AP3B1: variants seen among roughly 807,000 people sequenced by gnomAD.
AP3B1 encodes AP-3 complex subunit beta-1.
A neutral mutation model predicts 132.5 loss-of-function variants in AP3B1; 61 were observed. That is an observed-to-expected ratio of 0.46 (90% CI 0.37 to 0.57). The LOEUF (loss-of-function observed/expected upper bound fraction) is 0.57, where lower values mean the gene tolerates loss of function less well. Among genes scored for constraint, AP3B1 ranks in the 20% least tolerant of loss-of-function variants. The pLI is 0.00. For synonymous variants in AP3B1, 388 were observed against 438.3 expected (o/e 0.89, Z 1.43); for missense variants, 1,120 against 1,289.4 (o/e 0.87, Z 2.01).
Position 78,189,690 on chromosome 5 carries a change from T to C in AP3B1, c.787-8028A>G, listed in dbSNP as rs188969517. Reference sequence around the variant, plus strand: ...TTCAAGACCAACCTGCCCAACATGGTGAAACCCCATCTCTACTGAAAATAC... The same window carrying C: ...TTCAAGACCAACCTGCCCAACATGGCGAAACCCCATCTCTACTGAAAATAC... On this transcript the variant is annotated intron_variant, in intron 7 of 26. Coordinates refer to ENST00000255194, the MANE Select transcript of AP3B1 (RefSeq NM_003664.5). Among the ~76,000 whole-genome samples, 164 of 151,824 alleles carry C rather than the reference T, an allele frequency of 1.1e-3. 1 individual carries two copies. The highest frequency in any genetic ancestry group is 3.9e-3 in the African/African-American group (160 of 41,410).
intron 17 of AP3B1, among the ~76,000 whole-genome samples, chr5:78,119,706 A>G (rs1264315291): frequency 6.6e-6 from 1 of 152,232 alleles, no homozygotes; most frequent in East Asian, 1.9e-4. Context: ...GACCAAATCT[A>G]CGTCTCATTG....
At chr5:78,206,523 A>G (rs897707088) in intron 7 of AP3B1, among the ~76,000 whole-genome samples, 4 of 152,182 alleles carry the variant, frequency 2.6e-5, no homozygotes, top group Non-Finnish European at 5.9e-5. Context: ...GCAAGGAGGA[A>G]GAAGGATCTT....
intron 14 of AP3B1, among the ~76,000 whole-genome samples, chr5:78,143,514 T>C (rs1211196175): frequency 6.6e-6 from 1 of 152,158 alleles, no homozygotes; most frequent in African/African-American, 2.4e-5. Flanking sequence ...GATGGCATTG[T>C]ATTACAAAGC....
At chr5:78,066,657 A>C (rs187963767) in intron 22 of AP3B1, among the ~76,000 whole-genome samples, 1 of 152,336 alleles carries the variant, frequency 6.6e-6, no homozygotes, top group African/African-American at 2.4e-5. Context: ...TCCAAGAATT[A>C]TGGGATTATG....
In AP3B1 at chr5:78,181,681, A is replaced by G. The variant is rs778420623; in HGVS notation, c.787-19T>C. 6.2e-7 allele frequency: 1 copy of G among 1,608,952 alleles called. No homozygotes were observed. The highest frequency in any genetic ancestry group is 8.5e-7 in the Non-Finnish European group (1 of 1,178,356). Reference sequence around the variant, plus strand: ...CATCACCCTACAATGAAAGAAATCCAACCCAAGATTACTTTAGACCTTGAG... The same window carrying G: ...CATCACCCTACAATGAAAGAAATCCGACCCAAGATTACTTTAGACCTTGAG... On this transcript the variant is annotated intron_variant, in intron 7 of 26. Transcript: ENST00000255194.
intron 20 of AP3B1, 188 bp from the exon 21 acceptor site, chr5:78,101,213 C>G (rs948568064): frequency 1.9e-6 from 1 of 526,566 alleles, no homozygotes; most frequent in Non-Finnish European, 3.4e-6. Context: ...GTATTTCTTA[C>G]CCACTATGCA....
At chr5:78,195,808 A>G (rs1425325026) in intron 7 of AP3B1, among the ~76,000 whole-genome samples, 2 of 152,186 alleles carry the variant, frequency 1.3e-5, no homozygotes, top group Non-Finnish European at 2.9e-5. Flanking sequence ...CGACAAAGCA[A>G]GACTCCATCT....
intron 12 of AP3B1, among the ~76,000 whole-genome samples, chr5:78,163,278 C>A (rs112199378): frequency 0.039 from 5,908 of 152,096 alleles, 184 homozygotes; most frequent in East Asian, 0.13. Flanking sequence ...ATGATGAGAG[C>A]TCTCTCTTTG....
chr5:78,268,276 T>C (rs1748410333), intron 1 of AP3B1, among the ~76,000 whole-genome samples: 3 of 152,160 alleles, frequency 2.0e-5, no homozygotes, highest in African/African-American at 4.8e-5. Context: ...GAACTATATA[T>C]GTAACTGTAT....
intron 2 of AP3B1, among the ~76,000 whole-genome samples, chr5:78,248,483 ACT>A (rs1747472587): frequency 8.1e-6 from 1 of 122,796 alleles, no homozygotes; most frequent in Admixed American, 9.4e-5. Flanking sequence ...ACAGAGCGAG[ACT>A]CTGTCTCAAA....
chr5:78,218,671 A>T (rs1234900554), intron 6 of AP3B1, among the ~76,000 whole-genome samples: 1 of 152,162 alleles, frequency 6.6e-6, no homozygotes, highest in African/African-American at 2.4e-5. Flanking sequence ...ATTTTCTATA[A>T]AATTATGAAG....
Position 78,232,473 on chromosome 5 carries a change from A to G in AP3B1, c.280-4234T>C, listed in dbSNP as rs1213477186. Among the ~76,000 whole-genome samples, 4 of 152,138 alleles carry G rather than the reference A, an allele frequency of 2.6e-5. 1 individual carries two copies. The East Asian group carries it at 7.7e-4, about 29-fold the overall frequency. On this transcript the variant is annotated intron_variant, in intron 3 of 26. Coordinates refer to ENST00000255194, the MANE Select transcript of AP3B1 (RefSeq NM_003664.5). ...GACCATGCATCTACAGATGATATCAACCCACTTAGGACCCTGAAAGTCCAT... is the reference window on the plus strand; with the variant it reads ...GACCATGCATCTACAGATGATATCAGCCCACTTAGGACCCTGAAAGTCCAT...
chr5:78,199,911 T>C (rs1054337266), intron 7 of AP3B1, among the ~76,000 whole-genome samples: 3 of 152,200 alleles, frequency 2.0e-5, no homozygotes, highest in African/African-American at 4.8e-5. Flanking sequence ...GGACTATTTA[T>C]TCTTCATTAT....
intron 22 of AP3B1, among the ~76,000 whole-genome samples, chr5:78,073,084 A>G (rs1369795576): frequency 2.0e-5 from 3 of 152,084 alleles, no homozygotes; most frequent in Admixed American, 1.3e-4. Flanking sequence ...TATATACTGT[A>G]CTTGTTTTTA....
intron 19 of AP3B1, 26 bp from the exon 20 acceptor site, chr5:78,110,380 T>G: frequency 6.4e-7 from 1 of 1,570,048 alleles, no homozygotes; most frequent in Non-Finnish European, 8.7e-7. Flanking sequence ...AATTTTGAAA[T>G]ATGAACTTTA....
rs1053392898 is a variant in AP3B1 at position 78,034,502 on chromosome 5, C to T, written c.2810-57G>A. 1.4e-5 allele frequency: 18 copies of T among 1,291,408 alleles called. No homozygotes were observed. In the Admixed American group the frequency reaches 2.9e-4, roughly 21 times the overall value. 80.0% of individuals were successfully genotyped at this position (1,291,408 alleles called of 1,614,324 possible). On this transcript the variant is annotated intron_variant, in intron 23 of 26. Transcript: ENST00000255194. ...ACAGAGGATGTGAAAAAGAGGCAAACTAAACACTGAAAATTTAGGTAATGT... is the reference window on the plus strand; with the variant it reads ...ACAGAGGATGTGAAAAAGAGGCAAATTAAACACTGAAAATTTAGGTAATGT...
At chr5:78,014,325 G>C (rs1333056688) in intron 26 of AP3B1, among the ~76,000 whole-genome samples, 1 of 152,124 alleles carries the variant, frequency 6.6e-6, no homozygotes, top group Non-Finnish European at 1.5e-5. Flanking sequence ...TGGCAGGTCA[G>C]CTCTTCTGAA....
At chr5:78,283,917 T>C (rs1348005955) in intron 1 of AP3B1, among the ~76,000 whole-genome samples, 1 of 152,216 alleles carries the variant, frequency 6.6e-6, no homozygotes, top group African/African-American at 2.4e-5. Flanking sequence ...TTTCTGAGCA[T>C]GGTATGCAAA....
intron 21 of AP3B1, among the ~76,000 whole-genome samples, chr5:78,096,905 C>A (rs1352294987): frequency 6.7e-6 from 1 of 148,954 alleles, no homozygotes; most frequent in African/African-American, 2.5e-5. Context: ...GCCCCCCGCC[C>A]GGCCAGCCGC....
Sources: allele counts gnomAD v4.1 joint callset (sites outside exome capture counted in the v4.1 genomes callset), GRCh38; gene constraint gnomAD v4.1.1; transcripts MANE v1.5; gene names NCBI Gene and HGNC (gene_info 2026-07-23, HGNC 2026-07-21).